The following ASB7 variants were observed in gnomAD, a reference collection of about 807,000 sequenced individuals.
ASB7 encodes ankyrin repeat and SOCS box containing 7, also known as ankyrin repeat and SOCS box protein 7.
Under a neutral mutation model 32.5 loss-of-function variants are expected in ASB7, and 4 were observed. The ratio of observed to expected loss-of-function variants is 0.12; its 90% CI spans 0.06 to 0.28. ASB7 has a LOEUF of 0.28. Among genes scored for constraint, ASB7 ranks in the 10% least tolerant of loss-of-function variants. The pLI is 1.00. For synonymous variants in ASB7, 172 were observed against 155.6 expected, an observed-to-expected ratio of 1.11 and a Z score of -0.78; for missense variants, 181 against 407.1, an observed-to-expected ratio of 0.44 and a Z score of 4.78.
At chr15:100,606,266 TTACTTTGCAAA>T (rs1353953404) in intron 2 of ASB7, among the ~76,000 whole-genome samples, 23 of 152,350 alleles carry the variant, frequency 1.5e-4, no homozygotes, top group Admixed American at 1.2e-3. Flanking sequence ...GTATTTTTGT[TTACTTTGCAAA>T]GAAATGCTTA....
intron 3 of ASB7, among the ~76,000 whole-genome samples, chr15:100,611,363 A>T (rs2039693442): frequency 6.6e-6 from 1 of 150,848 alleles, no homozygotes; most frequent in African/African-American, 2.4e-5. Context: ...CAGATATTTC[A>T]TTGTATGTTG....
rs906024155 is a variant in ASB7 at position 100,612,423 on chromosome 15, C to T, written c.207C>T (p.His69=). ...GATGTGTTCGGGTTTTTCTAGAACA[C>T]GGAGGTGAGTTTTGTAGAAGCAAAT... The part of the protein sequence containing the change: ...KERCVRVFLE[H]GADPTVKDLI... Residue 69 remains histidine (H), a synonymous_variant, in exon 4 of 6, where the codon CAC becomes CAT. Transcript: ENST00000332783. The T allele has an allele frequency of 1.6e-5, 26 of 1,608,468 alleles. No individual in the cohort carries two copies. The highest frequency in any genetic ancestry group is 1.6e-4 in the Middle Eastern group (1 of 6,074).
intron 5 of ASB7, among the ~76,000 whole-genome samples, chr15:100,631,333 T>G (rs1597007949): frequency 6.6e-6 from 1 of 152,350 alleles, no homozygotes; most frequent in East Asian, 1.9e-4. Flanking sequence ...GATTTAAGTT[T>G]AAATGGCCAC....
intron 4 of ASB7, among the ~76,000 whole-genome samples, chr15:100,625,838 A>G (rs996567513): frequency 6.6e-6 from 1 of 152,210 alleles, no homozygotes; most frequent in African/African-American, 2.4e-5. Context: ...GGTCAATGGA[A>G]CAAAACAGAA....
intron 5 of ASB7, among the ~76,000 whole-genome samples, chr15:100,632,987 G>C (rs2039895101): frequency 6.6e-6 from 1 of 151,836 alleles, no homozygotes; most frequent in African/African-American, 2.4e-5. Context: ...CCAGCCCGCT[G>C]TCCAGCATTC....
Position 100,632,386 on chromosome 15 carries a change from C to T in ASB7, c.817+2344C>T, listed in dbSNP as rs113995984. The stretch of plus-strand genomic sequence containing the variant: ...CATAATTTAGTATTTCTTGACTCTC[C>T]AGTGGTGTTTCCTGCCAAAAGCAAA... On this transcript the variant is annotated intron_variant, in intron 5 of 5. Coordinates refer to ENST00000332783, the MANE Select transcript of ASB7 (RefSeq NM_198243.3). Among the ~76,000 whole-genome samples the T allele has an allele frequency of 3.4e-3, 512 of 152,296 alleles. 2 individuals carry two copies. Among genetic ancestry groups the T allele is most frequent in the African/African-American group, 0.012 (490 of 41,566 alleles).
chr15:100,642,324 A>G (rs1225659285), intron 5 of ASB7, among the ~76,000 whole-genome samples: 2 of 152,228 alleles, frequency 1.3e-5, no homozygotes, highest in Admixed American at 6.5e-5. Flanking sequence ...AAGAAAAGCC[A>G]GTGATACTTA....
chr15:100,612,770 A>G (rs2141389308), intron 4 of ASB7, among the ~76,000 whole-genome samples: 1 of 152,296 alleles, frequency 6.6e-6, no homozygotes, highest in South Asian at 2.1e-4. Flanking sequence ...AGAATTGCAC[A>G]AGTTTCCCCT....
Position 100,630,055 on chromosome 15 carries a change from A to G in ASB7, c.817+13A>G. ...CAAGAAGTCACAAGTATGTAATATA[A>G]TTATTACTTTATTGCATTTTTTAAA... On this transcript the variant is annotated intron_variant, in intron 5 of 5. Coordinates refer to ENST00000332783, the MANE Select transcript of ASB7 (RefSeq NM_198243.3). 6.5e-7 allele frequency: 1 copy of G among 1,545,880 alleles called. No individual in the cohort carries two copies. The highest frequency in any genetic ancestry group is 8.7e-7 in the Non-Finnish European group (1 of 1,147,708).
chr15:100,622,505 C>T (rs910249792), intron 4 of ASB7, among the ~76,000 whole-genome samples: 5 of 152,158 alleles, frequency 3.3e-5, no homozygotes, highest in African/African-American at 1.2e-4. Context: ...CTGAAGCAAT[C>T]CTGAGCAAAA....
At chr15:100,607,242 CCT>C (rs2039653606) in intron 2 of ASB7, among the ~76,000 whole-genome samples, 1 of 152,050 alleles carries the variant, frequency 6.6e-6, no homozygotes, top group African/African-American at 2.4e-5. Context: ...TAATAAACTC[CCT>C]GAGGGAAAAT....
intron 4 of ASB7, among the ~76,000 whole-genome samples, chr15:100,617,181 G>C (rs1033888137): frequency 6.6e-6 from 1 of 152,146 alleles, no homozygotes; most frequent in Non-Finnish European, 1.5e-5. Flanking sequence ...TGCTACAGTG[G>C]TCTCTTCCAT....
intron 4 of ASB7, among the ~76,000 whole-genome samples, chr15:100,618,808 C>G (rs551905522): frequency 3.3e-5 from 5 of 152,198 alleles, no homozygotes; most frequent in Non-Finnish European, 5.9e-5. Context: ...ATGGGACTCT[C>G]CTTCTGGTAC....
Position 100,612,091 on chromosome 15 carries a change from C to T in ASB7, c.-51-75C>T. On this transcript the variant is annotated intron_variant, in intron 3 of 5. Transcript: ENST00000332783. Reference sequence around the variant, plus strand: ...TTACTGATGTAGCAAATGGAATGTTCTGTGATATTTAATAGATGCAGTATC... The same window carrying T: ...TTACTGATGTAGCAAATGGAATGTTTTGTGATATTTAATAGATGCAGTATC... 4 of 795,814 alleles carry T rather than the reference C, an allele frequency of 5.0e-6. 1 individual carries two copies. The South Asian group carries it at 6.6e-5, about 13-fold the overall frequency. The allele number at this position is 795,814 out of a possible 1,614,324, so 49.3% of individuals were successfully genotyped here.
chr15:100,629,479 T>C lies in ASB7; in HGVS notation c.254T>C (p.Leu85Pro). The C allele has an allele frequency of 6.2e-7, 1 of 1,614,128 alleles. No individual in the cohort carries two copies. The highest frequency in any genetic ancestry group is 8.5e-7 in the Non-Finnish European group (1 of 1,179,930). The change falls in exon 5 of 6, where the codon CTT (leucine) becomes CCT (proline). Residue 85 changes from leucine to proline, a missense_variant. Physicochemically the swap from Leu to Pro is moderately conservative, Grantham distance 98. Transcript: ENST00000332783. The surrounding 1 kb of genome is among the most constrained non-coding windows in gnomAD (Gnocchi z 6.8). ...VKDLIGGFTA[L>P]HYAAMHGRAR... ...GACTTAATCGGAGGCTTCACGGCTC[T>C]TCACTATGCAGCCATGCATGGCCGG...
intron 5 of ASB7, chr15:100,645,295 AT>A (rs2141408668): frequency 5.1e-6 from 1 of 194,816 alleles, no homozygotes; most frequent in East Asian, 1.5e-4. Context: ...GTTAGGTGTT[AT>A]GAAGGGTGAA....
chr15:100,626,175 CAT>C (rs1257111417), intron 4 of ASB7, among the ~76,000 whole-genome samples: 4 of 151,934 alleles, frequency 2.6e-5, no homozygotes, highest in East Asian at 1.9e-4. Flanking sequence ...CTCTTCAAAA[CAT>C]AATACAGAAA....
chr15:100,636,764 ATT>A (rs2039925922), intron 5 of ASB7, among the ~76,000 whole-genome samples: 1 of 152,180 alleles, frequency 6.6e-6, no homozygotes. Context: ...TTTTTTATTT[ATT>A]TATTTATGTT....
chr15:100,619,095 A>G (rs1567113440), intron 4 of ASB7, among the ~76,000 whole-genome samples: 1 of 152,138 alleles, frequency 6.6e-6, no homozygotes, highest in Non-Finnish European at 1.5e-5. Context: ...TAAGGTCCTC[A>G]CTGTCTGCTG....
Sources: gnomAD v4.1 joint callset for allele counts (sites outside exome capture counted in the v4.1 genomes callset) on GRCh38, gnomAD v4.1.1 for gene constraint, Gnocchi (gnomAD v3.1) non-coding constraint, MANE v1.5 for transcripts, NCBI Gene and HGNC (gene_info 2026-07-23, HGNC 2026-07-21) for gene names.